WNK1: variants seen among roughly 807,000 people sequenced by gnomAD.
The protein encoded by WNK1 is serine/threonine-protein kinase WNK1.
WNK1 carries 38 observed loss-of-function variants against 222.8 expected under a neutral mutation model. That is an observed-to-expected ratio of 0.17 (90% CI 0.13 to 0.22). WNK1 has a LOEUF of 0.22. Among genes scored for constraint, WNK1 ranks in the 10% least tolerant of loss-of-function variants. The pLI, the probability that WNK1 is intolerant of heterozygous loss-of-function variation, is 1.00. For missense variants in WNK1, 2,348 were observed against 2,918.4 expected, an observed-to-expected ratio of 0.80 and a Z score of 4.50; for synonymous variants, 1,090 against 1,092.9, an observed-to-expected ratio of 1.00 and a Z score of 0.05.
chr12:860,064 G>T (rs1284442629), intron 6 of WNK1, among the ~76,000 whole-genome samples: 1 of 152,126 alleles, frequency 6.6e-6, no homozygotes, highest in Non-Finnish European at 1.5e-5. Flanking sequence ...CATAGGGATA[G>T]ATAGATGAGA....
At position 908,694 on chromosome 12, in the gene WNK1, T is replaced by C; in HGVS notation, c.7051T>C (p.Phe2351Leu). 1 of 1,614,148 alleles carries C rather than the reference T, an allele frequency of 6.2e-7. No homozygotes were observed. The highest frequency in any genetic ancestry group is 8.5e-7 in the Non-Finnish European group (1 of 1,180,032). ...CCCAGCACCACAGCCACTTGGCCAGTTCCAACCTGTGGGAACTGCCTCCTT... is the reference window on the plus strand; with the variant it reads ...CCCAGCACCACAGCCACTTGGCCAGCTCCAACCTGTGGGAACTGCCTCCTT... ...GGPAPQPLGQ[F>L]QPVGTASLQN... is the part of the protein sequence containing the mutation. The change falls in exon 28 of 28, where the codon TTC becomes CTC. Residue 2351 changes from phenylalanine (F) to leucine (L), a missense_variant. By Grantham distance (22) the Phe-to-Leu change is conservative. This residue lies in a region of WNK1 where 76 missense variants were observed against 85.7 expected (regional missense o/e 0.89). Transcript: ENST00000315939.
At chr12:762,078 G>A (rs906907645) in intron 1 of WNK1, among the ~76,000 whole-genome samples, 1 of 84,144 alleles carries the variant, frequency 1.2e-5, no homozygotes, top group Admixed American at 1.2e-4. Context: ...TTTTTTTTTT[G>A]AGGCTGAGTC....
At chr12:862,360 G>A (rs1951283703) in intron 8 of WNK1, 90 bp downstream of exon 8, 3 of 1,358,586 alleles carry the variant, frequency 2.2e-6, no homozygotes, top group Non-Finnish European at 3.1e-6. Context: ...CCAAGTAACA[G>A]TATGAGTCTG....
rs1413121896 is a variant in WNK1 at position 764,465 on chromosome 12, G to A, written c.759+10141G>A. Among the ~76,000 whole-genome samples the A allele has an allele frequency of 2.8e-5, 4 of 144,696 alleles. No individual in the cohort carries two copies. The South Asian group carries it at 7.0e-4, about 25-fold the overall frequency. The allele number at this position is 144,696 out of a possible 152,430, so 94.9% of individuals were successfully genotyped here. A position where few individuals can be genotyped will look rare whatever the true frequency, so the allele number is the denominator to read the frequency against. On this transcript the variant is annotated intron_variant, in intron 1 of 27. Transcript: ENST00000315939. The stretch of plus-strand genomic sequence containing the variant: ...AGCCTGACCAACATGGAGAAACCCC[G>A]TCTCTACTAAAAATACAAAAATTAG...
chr12:891,714 T>A (rs1954259234), intron 22 of WNK1, among the ~76,000 whole-genome samples: 1 of 151,822 alleles, frequency 6.6e-6, no homozygotes, highest in South Asian at 2.1e-4. Flanking sequence ...TTGGGGTGCC[T>A]ATGAGGGCAA....
chr12:753,469 C>G lies in WNK1; in HGVS notation c.-97C>G. 3 of 1,541,126 alleles carry G rather than the reference C, an allele frequency of 1.9e-6. No individual in the cohort carries two copies. The highest frequency in any genetic ancestry group is 2.6e-6 in the Non-Finnish European group (3 of 1,134,940). On this transcript the variant is annotated 5_prime_UTR_variant, in exon 1 of 28. Transcript: ENST00000315939. This position sits in a 1 kb window ranked among gnomAD's most constrained non-coding sequence, Gnocchi z 5.2. Reference sequence around the variant, plus strand: ...CCGGGTCGGCGCGAACCCGCCCGGCCGCGGTTCCCTGCAGACCTCTGCGCG... The same window carrying G: ...CCGGGTCGGCGCGAACCCGCCCGGCGGCGGTTCCCTGCAGACCTCTGCGCG...
intron 1 of WNK1, among the ~76,000 whole-genome samples, chr12:781,713 T>C (rs558447528): frequency 3.9e-4 from 60 of 152,362 alleles, no homozygotes; most frequent in African/African-American, 1.1e-3. Context: ...TTTGAGTTTT[T>C]GAAAGATATT....
chr12:848,622 A>G (rs1194223737), intron 4 of WNK1, among the ~76,000 whole-genome samples: 6 of 151,384 alleles, frequency 4.0e-5, no homozygotes, highest in African/African-American at 1.5e-4. Context: ...CCCATAGAGA[A>G]TAATAGTAGT....
chr12:861,020 C>A lies in WNK1; in HGVS notation c.1628C>A (p.Ser543Tyr). ...PEDVAQEMVE[S>Y]GYVCEGDHKT... Reference sequence around the variant, plus strand: ...TACCCTTTTATTCTGTAGGTAGAGTCTGGGTATGTCTGTGAAGGTGATCAC... The same window carrying A: ...TACCCTTTTATTCTGTAGGTAGAGTATGGGTATGTCTGTGAAGGTGATCAC... Residue 543 changes from serine to tyrosine, a missense_variant, in exon 7 of 28, where the codon TCT (serine) becomes TAT (tyrosine). Ser to Tyr is a moderately radical substitution (Grantham distance 144, BLOSUM62 -2). Transcript: ENST00000315939. 6.2e-7 allele frequency: 1 copy of A among 1,612,786 alleles called. No individual in the cohort carries two copies. Among genetic ancestry groups the A allele is most frequent in the Non-Finnish European group, 8.5e-7 (1 of 1,179,810 alleles).
chr12:869,317 T>A, intron 8 of WNK1: 1 of 641,832 alleles, frequency 1.6e-6, no homozygotes. Flanking sequence ...CTATTATATG[T>A]GAAAACCAGT....
intron 4 of WNK1, among the ~76,000 whole-genome samples, chr12:848,096 C>T (rs563465034): frequency 1.4e-4 from 22 of 152,156 alleles, no homozygotes; most frequent in African/African-American, 3.6e-4. Flanking sequence ...TGAGCCACCG[C>T]GCCTGGCTGG....
chr12:882,914 T>C, intron 14 of WNK1, 29 bp from the exon 15 acceptor site: 1 of 1,370,744 alleles, frequency 7.3e-7, no homozygotes, highest in Non-Finnish European at 1.0e-6. Context: ...ATATGGTCTT[T>C]GGAGATGATG....
chr12:789,489 T>G (rs1182504692), intron 1 of WNK1, among the ~76,000 whole-genome samples: 1 of 152,030 alleles, frequency 6.6e-6, no homozygotes. Flanking sequence ...TATTAGTCCT[T>G]TGTTCTCTGT....
chr12:885,715 A>G lies in WNK1; in HGVS notation c.4911A>G (p.Glu1637=), dbSNP rs369939280. The G allele has an allele frequency of 4.3e-6, 7 of 1,614,068 alleles. No homozygotes were observed. In the African/African-American group the frequency reaches 8.0e-5, roughly 18 times the overall value. ...ACCAGCCCCATACTCATTGTCCTGAAGTAGATTCTGATACACAACCCAAAG... is the reference window on the plus strand; with the variant it reads ...ACCAGCCCCATACTCATTGTCCTGAGGTAGATTCTGATACACAACCCAAAG... ...LPNQPHTHCP[E]VDSDTQPKAP... Residue 1637 remains glutamate (E), a synonymous_variant, in exon 19 of 28, where the codon GAA becomes GAG. Transcript: ENST00000315939.
intron 4 of WNK1, among the ~76,000 whole-genome samples, chr12:856,458 G>A (rs66643083): frequency 4.5e-4 from 54 of 121,306 alleles, no homozygotes; most frequent in South Asian, 5.1e-4. Flanking sequence ...CATCTCGAGG[G>A]AAAAAAAAAA....
intron 1 of WNK1, among the ~76,000 whole-genome samples, chr12:807,035 T>C (rs891903999): frequency 2.0e-5 from 3 of 152,044 alleles, no homozygotes; most frequent in African/African-American, 7.3e-5. Context: ...AGTTATTCCT[T>C]ATTCCCCAAG....
At chr12:795,479 C>G (rs1213100275) in intron 1 of WNK1, among the ~76,000 whole-genome samples, 1 of 151,810 alleles carries the variant, frequency 6.6e-6, no homozygotes, top group South Asian at 2.1e-4. Context: ...TCTCAGAGAT[C>G]TGATGGTTTG....
chr12:857,345 T>TG, intron 5 of WNK1, 96 bp downstream of exon 5: 1 of 1,128,258 alleles, frequency 8.9e-7, no homozygotes, highest in East Asian at 2.5e-5. Context: ...ATTTAATATT[T>TG]GTGATTGGTT....
At chr12:809,690 G>A (rs1326986849) in intron 1 of WNK1, among the ~76,000 whole-genome samples, 1 of 152,148 alleles carries the variant, frequency 6.6e-6, no homozygotes, top group African/African-American at 2.4e-5. Context: ...AGAAGAGTTA[G>A]TTACCTACAG....
Sources: allele counts gnomAD v4.1 joint callset (sites outside exome capture counted in the v4.1 genomes callset), GRCh38; gene constraint gnomAD v4.1.1; regional missense constraint gnomAD v4.1.1; non-coding constraint Gnocchi (gnomAD v3.1); transcripts MANE v1.5; gene names NCBI Gene and HGNC (gene_info 2026-07-23, HGNC 2026-07-21).